Variants in IRAK4 observed in about 807,000 individuals in gnomAD.
IRAK4 encodes interleukin 1 receptor associated kinase 4.
A neutral mutation model predicts 51.8 loss-of-function variants in IRAK4; 44 were observed. That is an observed-to-expected ratio of 0.85 (90% CI 0.67 to 1.09). The LOEUF is 1.09. Among genes scored for constraint, IRAK4 ranks in the 50% least tolerant of loss-of-function variants. The pLI, the probability that IRAK4 is intolerant of heterozygous loss-of-function variation, is 0.00. For synonymous variants in IRAK4, 149 were observed against 174.1 expected (o/e 0.86, Z 1.13); for missense variants, 487 against 538.0 (o/e 0.91, Z 0.94).
At chr12:43,773,126 T>G in intron 5 of IRAK4, 54 bp downstream of exon 5, 1 of 1,459,834 alleles carries the variant, frequency 6.9e-7, no homozygotes, top group Non-Finnish European at 9.5e-7. Flanking sequence ...GTGTGCCCTA[T>G]AATAGGTTTT....
intron 1 of IRAK4, among the ~76,000 whole-genome samples, chr12:43,761,140 G>A (rs1939507676): frequency 6.6e-6 from 1 of 152,052 alleles, no homozygotes; most frequent in South Asian, 2.1e-4. Flanking sequence ...TAATAGCTCT[G>A]GAAGCCCTCA....
At chr12:43,775,312 A>C (rs948089085) in intron 6 of IRAK4, among the ~76,000 whole-genome samples, 1 of 152,218 alleles carries the variant, frequency 6.6e-6, no homozygotes, top group Non-Finnish European at 1.5e-5. Flanking sequence ...ACATTTTTAA[A>C]ATATACAAGC....
rs1249475934 is a variant in IRAK4, at chr12:43,783,654, C to G, written c.1126-8C>G. 3 of 1,578,406 alleles carry G rather than the reference C, an allele frequency of 1.9e-6. No homozygotes were observed. Among genetic ancestry groups the G allele is most frequent in the Admixed American group, 3.4e-5 (2 of 59,670 alleles). ...GTATTATATTAATGATTTTTTTTGTCTTCATAGGTTTTACTAGAAATAATA... is the reference window on the plus strand; with the variant it reads ...GTATTATATTAATGATTTTTTTTGTGTTCATAGGTTTTACTAGAAATAATA... On this transcript the variant is annotated splice_region_variant and splice_polypyrimidine_tract_variant and intron_variant, in intron 9 of 11. Coordinates refer to ENST00000613694, the MANE Select transcript of IRAK4 (RefSeq NM_016123.4).
At chr12:43,771,893 C>G (rs993688148) in intron 3 of IRAK4, among the ~76,000 whole-genome samples, 1 of 152,064 alleles carries the variant, frequency 6.6e-6, no homozygotes, top group Non-Finnish European at 1.5e-5. Flanking sequence ...TCTATGTAAT[C>G]AGAATTCTGG....
At chr12:43,780,562 C>T (rs1275843810) in intron 8 of IRAK4, among the ~76,000 whole-genome samples, 1 of 151,350 alleles carries the variant, frequency 6.6e-6, no homozygotes. Flanking sequence ...CTCTTTTCTC[C>T]CTGTATGTTC....
In IRAK4 at chr12:43,782,308, G is replaced by A. The variant is rs751373844; in HGVS notation, c.943G>A (p.Ala315Thr). 1.2e-6 allele frequency: 2 copies of A among 1,609,960 alleles called. No homozygotes were observed. Among genetic ancestry groups the A allele is most frequent in the South Asian group, 1.1e-5 (1 of 90,942 alleles). Residue 315 changes from alanine (A) to threonine (T), a missense_variant and splice_region_variant, in exon 9 of 12, where the codon GCA becomes ACA. Ala to Thr is a moderately conservative substitution (Grantham distance 58). Transcript: ENST00000613694. ...CTTCAAACTTTACATTTTTTTCAGT[G>A]CAAATATCTTACTGGATGAAGCTTT... ...NHHIHRDIKS[A>T]NILLDEAFTA... is the part of the protein sequence containing the mutation.
intron 10 of IRAK4, among the ~76,000 whole-genome samples, chr12:43,785,083 C>G (rs1190936973): frequency 6.6e-6 from 1 of 152,098 alleles, no homozygotes; most frequent in Admixed American, 6.5e-5. Context: ...ACTATGCTCT[C>G]TCTGGAGACT....
chr12:43,780,490 A>C (rs1381487112), intron 8 of IRAK4, among the ~76,000 whole-genome samples: 1 of 152,096 alleles, frequency 6.6e-6, no homozygotes, highest in Non-Finnish European at 1.5e-5. Flanking sequence ...CCTAGATGAG[A>C]AAAGAAACGC....
chr12:43,759,815 C>T (rs541665643), intron 1 of IRAK4, among the ~76,000 whole-genome samples: 90 of 150,450 alleles, frequency 6.0e-4, no homozygotes, highest in Non-Finnish European at 2.5e-4. Flanking sequence ...TTGCAGTGAG[C>T]CGAGATCGTG....
rs928511742 is a variant in IRAK4 at position 43,783,796 on chromosome 12, T to C, written c.1188+72T>C. On this transcript the variant is annotated intron_variant, in intron 10 of 11. Transcript: ENST00000613694. The stretch of plus-strand genomic sequence containing the variant: ...TAGTCTAAATTTATATGGATAAATT[T>C]GACATCTAAAAATAACATTTTCTAT... 3.0e-6 allele frequency: 3 copies of C among 1,006,440 alleles called. No individual in the cohort carries two copies. The African/African-American group carries it at 4.8e-5, about 16-fold the overall frequency. The allele number at this position is 1,006,440 out of a possible 1,614,324, so 62.3% of individuals were successfully genotyped here. A position where few individuals can be genotyped will look rare whatever the true frequency, so the allele number is the denominator to read the frequency against.
At position 43,762,134 on chromosome 12, in the gene IRAK4, G is replaced by A. The variant is rs558431502; in HGVS notation, c.-10+3118G>A. On this transcript the variant is annotated intron_variant, in intron 1 of 11. Transcript: ENST00000613694. ...AAAGTCATCACCAAGGGATAACCAC[G>A]TTAATATTTTGGCTTATGTTCTTGT... Among the ~76,000 whole-genome samples, 13 of 152,272 alleles carry A rather than the reference G, an allele frequency of 8.5e-5. 1 individual carries two copies. The highest frequency in any genetic ancestry group is 3.3e-4 in the Admixed American group (5 of 15,292).
intron 10 of IRAK4, among the ~76,000 whole-genome samples, 155 bp downstream of exon 10, chr12:43,783,879 T>G (rs1941993579): frequency 6.6e-6 from 1 of 152,252 alleles, no homozygotes; most frequent in Non-Finnish European, 1.5e-5. Flanking sequence ...TTAAATATTT[T>G]CATTCTCAGC....
At chr12:43,768,631 A>T (rs1940427312) in intron 2 of IRAK4, 1 of 184,796 alleles carries the variant, frequency 5.4e-6, no homozygotes, top group Non-Finnish European at 1.1e-5. Context: ...GTAAAAATCT[A>T]GAGCTTAAAT....
At chr12:43,781,565 GCA>G (rs1941781868) in intron 8 of IRAK4, among the ~76,000 whole-genome samples, 1 of 152,038 alleles carries the variant, frequency 6.6e-6, no homozygotes, top group Non-Finnish European at 1.5e-5. Flanking sequence ...TCAATACTAA[GCA>G]CACTTTTCAC....
At chr12:43,782,112 C>A (rs1256379584) in intron 8 of IRAK4, among the ~76,000 whole-genome samples, 195 bp from the exon 9 acceptor site, 2 of 152,078 alleles carry the variant, frequency 1.3e-5, no homozygotes, top group Admixed American at 1.3e-4. Flanking sequence ...AATCTGAATT[C>A]TAGGTTTATT....
Position 43,787,947 on chromosome 12 carries a change from C to A in IRAK4, c.*1232C>A, listed in dbSNP as rs1942319562. On this transcript the variant is annotated 3_prime_UTR_variant, in exon 12 of 12. Transcript: ENST00000613694. ...TGGTGGACACCTGTAGTCCCAGCTACTTGGGAGGCTGAGGCAGGAGACTAG... is the reference window on the plus strand; with the variant it reads ...TGGTGGACACCTGTAGTCCCAGCTAATTGGGAGGCTGAGGCAGGAGACTAG... 1 of 152,214 alleles carries A rather than the reference C, an allele frequency of 6.6e-6. No individual in the cohort carries two copies. The highest frequency in any genetic ancestry group is 2.1e-4 in the South Asian group (1 of 4,822). 9.4% of individuals were successfully genotyped at this position (152,214 alleles called of 1,614,324 possible). A position where few individuals can be genotyped will look rare whatever the true frequency, so the allele number is the denominator to read the frequency against.
intron 3 of IRAK4, 118 bp downstream of exon 3, chr12:43,771,483 G>A (rs1592229174): frequency 1.8e-6 from 2 of 1,083,534 alleles, no homozygotes; most frequent in Admixed American, 3.9e-5. Context: ...ACATTTGAGA[G>A]TCCCTTTCTT....
intron 9 of IRAK4, among the ~76,000 whole-genome samples, chr12:43,782,862 G>A (rs1941898809): frequency 6.6e-6 from 1 of 152,162 alleles, no homozygotes; most frequent in Non-Finnish European, 1.5e-5. Flanking sequence ...AGGTGTGGGT[G>A]GTTGAAGAAG....
chr12:43,776,934 G>GAA (rs1041034150), intron 6 of IRAK4, among the ~76,000 whole-genome samples: 12 of 152,332 alleles, frequency 7.9e-5, no homozygotes, highest in Middle Eastern at 3.4e-3. Context: ...GAGTGTGTTA[G>GAA]AAAATTCTTG....
Sources: allele counts gnomAD v4.1 joint callset (sites outside exome capture counted in the v4.1 genomes callset), GRCh38; gene constraint gnomAD v4.1.1; transcripts MANE v1.5; gene names NCBI Gene and HGNC (gene_info 2026-07-23, HGNC 2026-07-21).